Variants in TSHZ2 observed in about 807,000 individuals in gnomAD.
TSHZ2 encodes the protein teashirt zinc finger homeobox 2, also known as teashirt homolog 2.
Under a neutral mutation model 74.4 loss-of-function variants are expected in TSHZ2, and 21 were observed. The observed-to-expected ratio is 0.28, with a 90% CI of 0.20 to 0.41. The LOEUF (loss-of-function observed/expected upper bound fraction) is 0.41, where lower values mean the gene tolerates loss of function less well. Ranked by LOEUF, TSHZ2 falls within the 10% of genes least tolerant of loss-of-function variation. The pLI is 1.00. For missense variants in TSHZ2, 1,244 were observed against 1,293.5 expected (o/e 0.96, Z 0.59); for synonymous variants, 540 against 515.3 (o/e 1.05, Z -0.65).
At chr20:53,389,478 A>G (rs933519320) in intron 2 of TSHZ2, among the ~76,000 whole-genome samples, 3 of 152,210 alleles carry the variant, frequency 2.0e-5, no homozygotes, top group African/African-American at 4.8e-5. Context: ...TGAGGTGGTG[A>G]TTTTCCAGAA....
intron 1 of TSHZ2, among the ~76,000 whole-genome samples, chr20:53,139,586 C>A (rs1472783560): frequency 1.3e-5 from 2 of 152,188 alleles, no homozygotes; most frequent in South Asian, 2.1e-4. Context: ...TACTGGCCAG[C>A]ATTTTGCTTT....
intron 1 of TSHZ2, among the ~76,000 whole-genome samples, chr20:53,127,200 T>C (rs910205020): frequency 1.4e-4 from 22 of 152,220 alleles, no homozygotes; most frequent in African/African-American, 5.3e-4. Context: ...TAAATATGTA[T>C]TGAGTGCCCA....
At chr20:53,438,762 A>G (rs999832598) in intron 2 of TSHZ2, among the ~76,000 whole-genome samples, 8 of 152,180 alleles carry the variant, frequency 5.3e-5, no homozygotes, top group Non-Finnish European at 1.2e-4. Flanking sequence ...GGAGTTCGAG[A>G]CCAGCCTGAC....
At chr20:53,102,021 G>A (rs550346607) in intron 1 of TSHZ2, among the ~76,000 whole-genome samples, 1 of 151,140 alleles carries the variant, frequency 6.6e-6, no homozygotes, top group African/African-American at 2.4e-5. Context: ...TAAGTCTCTT[G>A]GCTGACTTCC....
At chr20:53,403,393 G>A (rs894236584) in intron 2 of TSHZ2, among the ~76,000 whole-genome samples, 8 of 152,210 alleles carry the variant, frequency 5.3e-5, no homozygotes, top group African/African-American at 1.9e-4. Flanking sequence ...TTTACCTGAA[G>A]TTTCTCTCTT....
intron 2 of TSHZ2, chr20:53,273,248 A>C (rs1041633310): frequency 6.6e-6 from 1 of 152,346 alleles, no homozygotes; most frequent in Admixed American, 6.5e-5. Flanking sequence ...CATTAGGTCC[A>C]CTGGGAAGCC....
In TSHZ2 at chr20:53,493,610, G is replaced by A. The variant is rs369234547; in HGVS notation, c.*6475G>A. On this transcript the variant is annotated 3_prime_UTR_variant, in exon 3 of 3. Transcript: ENST00000371497. Reference sequence around the variant, plus strand: ...TGTAATGGGGCCCCAGGCCATTCCTGACATCGGCGTGTTCTTCTTCTGCAT... The same window carrying A: ...TGTAATGGGGCCCCAGGCCATTCCTAACATCGGCGTGTTCTTCTTCTGCAT... The A allele has an allele frequency of 6.6e-6, 1 of 152,100 alleles. No individual in the cohort carries two copies. Among genetic ancestry groups the A allele is most frequent in the African/African-American group, 2.4e-5 (1 of 41,404 alleles). The allele number at this position is 152,100 out of a possible 1,614,324, so 9.4% of individuals were successfully genotyped here.
chr20:53,461,216 G>T (rs4432518), intron 2 of TSHZ2, among the ~76,000 whole-genome samples: 1 of 151,926 alleles, frequency 6.6e-6, no homozygotes, highest in African/African-American at 2.4e-5. Flanking sequence ...AGGACCCTCC[G>T]AGCCAGGTGC....
At chr20:53,285,312 G>A (rs1600789349) in intron 2 of TSHZ2, among the ~76,000 whole-genome samples, 1 of 152,296 alleles carries the variant, frequency 6.6e-6, no homozygotes, top group South Asian at 2.1e-4. Context: ...ATCCAGGAGA[G>A]GATTGGATTC....
chr20:53,150,495 A>T (rs982324580), intron 1 of TSHZ2, among the ~76,000 whole-genome samples: 3 of 152,226 alleles, frequency 2.0e-5, no homozygotes, highest in Non-Finnish European at 4.4e-5. Context: ...CTTTTGTTAC[A>T]TAAGTACCTG....
At chr20:53,331,254 T>C (rs1347457530) in intron 2 of TSHZ2, among the ~76,000 whole-genome samples, 2 of 152,170 alleles carry the variant, frequency 1.3e-5, no homozygotes, top group Admixed American at 1.3e-4. Flanking sequence ...TAAAGCATTG[T>C]GGTCTGAGAA....
At chr20:53,463,257 G>C (rs959422509) in intron 2 of TSHZ2, among the ~76,000 whole-genome samples, 1 of 152,024 alleles carries the variant, frequency 6.6e-6, no homozygotes, top group Non-Finnish European at 1.5e-5. Flanking sequence ...GGGTGCAGTG[G>C]CTGATGCCTG....
intron 2 of TSHZ2, among the ~76,000 whole-genome samples, chr20:53,461,773 G>A (rs569714021): frequency 6.6e-6 from 1 of 152,278 alleles, no homozygotes; most frequent in African/African-American, 2.4e-5. Flanking sequence ...TAACATCTGA[G>A]ATTGCTCTTC....
intron 1 of TSHZ2, among the ~76,000 whole-genome samples, chr20:53,135,231 C>T (rs543707376): frequency 6.6e-6 from 1 of 152,274 alleles, no homozygotes; most frequent in South Asian, 2.1e-4. Context: ...TGTGTTATGA[C>T]AACAACAGTG....
intron 1 of TSHZ2, among the ~76,000 whole-genome samples, chr20:53,209,381 G>A (rs905257695): frequency 2.0e-5 from 3 of 152,220 alleles, no homozygotes; most frequent in Non-Finnish European, 4.4e-5. Flanking sequence ...GCCACTGTGC[G>A]CTGCCAAAAT....
intron 1 of TSHZ2, among the ~76,000 whole-genome samples, chr20:53,087,452 G>T (rs1985732684): frequency 6.6e-6 from 1 of 152,142 alleles, no homozygotes; most frequent in Non-Finnish European, 1.5e-5. Context: ...CTGACAGTCG[G>T]CTCATGAGAA....
At position 53,159,132 on chromosome 20, in the gene TSHZ2, T is replaced by G. The variant is rs371596587; in HGVS notation, c.41-94367T>G. On this transcript the variant is annotated intron_variant, in intron 1 of 2. Transcript: ENST00000371497. ...ACCATGCTTTGTTATGACCATTATC[T>G]CATTTTAATCCTAAGTAAACTGAGT... is the stretch of plus-strand genomic sequence containing the variant. Among the ~76,000 whole-genome samples the G allele has an allele frequency of 3.1e-4, 47 of 152,344 alleles. No individual in the cohort carries two copies. In the East Asian group the frequency reaches 7.1e-3, roughly 23 times the overall value.
intron 1 of TSHZ2, among the ~76,000 whole-genome samples, chr20:53,055,714 A>G (rs1984617995): frequency 6.6e-6 from 1 of 152,236 alleles, no homozygotes; most frequent in Non-Finnish European, 1.5e-5. Flanking sequence ...CTTTAAAAAA[A>G]TCTTTCCAGA....
At chr20:53,204,496 A>G (rs67928950) in intron 1 of TSHZ2, among the ~76,000 whole-genome samples, 10,890 of 150,494 alleles carry the variant, frequency 0.072, 877 homozygotes, top group East Asian at 0.3. Context: ...AATCAATTTC[A>G]CTTATTTCTT....
Sources: allele counts gnomAD v4.1 joint callset (sites outside exome capture counted in the v4.1 genomes callset), GRCh38; gene constraint gnomAD v4.1.1; transcripts MANE v1.5; gene names NCBI Gene and HGNC (gene_info 2026-07-23, HGNC 2026-07-21).